The following AGMO variants were observed in gnomAD, a reference collection of about 807,000 sequenced individuals.
AGMO encodes alkylglycerol monooxygenase.
AGMO carries 75 observed loss-of-function variants against 60.2 expected under a neutral mutation model. The ratio of observed to expected loss-of-function variants is 1.25; its 90% CI spans 1.03 to 1.51. The LOEUF (loss-of-function observed/expected upper bound fraction) is 1.51, where lower values mean the gene tolerates loss of function less well. Ranked by LOEUF, AGMO falls within the 40% of genes most tolerant of loss-of-function variation. The probability of loss-of-function intolerance (pLI) is 0.00; values close to 1 mark genes in which losing one functional copy is unlikely to be tolerated. For synonymous variants in AGMO, 261 were observed against 177.1 expected (o/e 1.47, Z -3.76); for missense variants, 763 against 525.5 (o/e 1.45, Z -4.42).
At chr7:15,427,019 C>T (rs542558565) in intron 4 of AGMO, among the ~76,000 whole-genome samples, 4 of 151,808 alleles carry the variant, frequency 2.6e-5, no homozygotes, top group Non-Finnish European at 4.4e-5. Flanking sequence ...TAGCTTCATT[C>T]GAATGGTGGT....
the AGMO span, among the ~76,000 whole-genome samples, chr7:15,193,737 T>G: frequency 2.6e-5 from 4 of 152,202 alleles, no homozygotes; most frequent in African/African-American, 9.6e-5. Flanking sequence ...CAACCAAGTT[T>G]GACAGAGTCT....
intron 3 of AGMO, among the ~76,000 whole-genome samples, chr7:15,493,475 G>A (rs918222468): frequency 1.4e-5 from 2 of 140,818 alleles, no homozygotes; most frequent in South Asian, 2.4e-4. Context: ...CCGGGTTCAC[G>A]CCATTCTCCT....
the AGMO span, among the ~76,000 whole-genome samples, chr7:15,181,798 T>C: frequency 6.6e-6 from 1 of 152,130 alleles, no homozygotes; most frequent in African/African-American, 2.4e-5. Context: ...AGAAATACTT[T>C]TACTGCATTG....
At chr7:15,295,752 G>C (rs1467213946) in intron 12 of AGMO, among the ~76,000 whole-genome samples, 1 of 151,994 alleles carries the variant, frequency 6.6e-6, no homozygotes, top group African/African-American at 2.4e-5. Context: ...CTTGACTCAG[G>C]AATTCCAATT....
intron 12 of AGMO, among the ~76,000 whole-genome samples, chr7:15,207,455 C>T (rs1199789638): frequency 1.3e-5 from 2 of 152,174 alleles, no homozygotes; most frequent in Admixed American, 6.5e-5. Context: ...TGAATAACTA[C>T]TAGATTCTTG....
intron 12 of AGMO, among the ~76,000 whole-genome samples, chr7:15,236,491 T>C (rs1297769440): frequency 6.6e-6 from 1 of 152,164 alleles, no homozygotes; most frequent in Non-Finnish European, 1.5e-5. Context: ...TCTTGAATTA[T>C]CTACATCAGA....
intron 12 of AGMO, among the ~76,000 whole-genome samples, chr7:15,347,697 T>G (rs145807272): frequency 6.6e-6 from 1 of 152,094 alleles, no homozygotes; most frequent in Admixed American, 6.6e-5. Flanking sequence ...ATCTCCTGAT[T>G]AAAAAATGTT....
At chr7:15,551,152 T>C (rs539843638) in intron 2 of AGMO, among the ~76,000 whole-genome samples, 2 of 152,204 alleles carry the variant, frequency 1.3e-5, no homozygotes, top group African/African-American at 2.4e-5. Flanking sequence ...AAATTAGATA[T>C]TGATGGGACG....
chr7:15,345,955 A>C, intron 12 of AGMO, among the ~76,000 whole-genome samples: 1 of 152,154 alleles, frequency 6.6e-6, no homozygotes, highest in East Asian at 1.9e-4. Context: ...TCAATGTTTT[A>C]ATTCCAATAT....
intron 12 of AGMO, among the ~76,000 whole-genome samples, chr7:15,319,575 G>T (rs570171791): frequency 2.8e-4 from 42 of 152,158 alleles, no homozygotes; most frequent in African/African-American, 9.4e-4. Flanking sequence ...TAGAAATTTT[G>T]GCAATGGTAA....
the AGMO span, among the ~76,000 whole-genome samples, chr7:15,164,913 A>T: frequency 2.3e-4 from 35 of 152,226 alleles, no homozygotes; most frequent in East Asian, 1.5e-3. Context: ...AAAAATTGTT[A>T]TATCAAAAAG....
At chr7:15,156,259 C>T in the AGMO span, among the ~76,000 whole-genome samples, 106 of 152,256 alleles carry the variant, frequency 7.0e-4, no homozygotes, top group African/African-American at 2.2e-3. Flanking sequence ...AGTGCTTAGG[C>T]GAGATCTGCC....
At chr7:15,216,341 C>T (rs1267658337) in intron 12 of AGMO, among the ~76,000 whole-genome samples, 1 of 152,008 alleles carries the variant, frequency 6.6e-6, no homozygotes, top group Non-Finnish European at 1.5e-5. Flanking sequence ...TGTTAATGGG[C>T]GTTAGAAAAC....
intron 3 of AGMO, among the ~76,000 whole-genome samples, chr7:15,439,192 A>T (rs141713654): frequency 0.015 from 2,332 of 152,246 alleles, 24 homozygotes; most frequent in Middle Eastern, 0.037. Context: ...AAGTCAAGAG[A>T]TCAAGACCAT....
At chr7:15,412,085 T>C (rs868254971) in intron 5 of AGMO, among the ~76,000 whole-genome samples, 21 of 152,300 alleles carry the variant, frequency 1.4e-4, no homozygotes, top group African/African-American at 5.0e-4. Context: ...CTTCTCTTTA[T>C]CTGTTAGCTT....
intron 3 of AGMO, among the ~76,000 whole-genome samples, chr7:15,529,659 T>TATACAGA (rs1784241053): frequency 2.4e-5 from 2 of 84,046 alleles, no homozygotes; most frequent in African/African-American, 9.0e-5. Context: ...ATATATTCTA[T>TATACAGA]ATATATTCTA....
At chr7:15,170,334 G>A in the AGMO span, among the ~76,000 whole-genome samples, 1 of 151,618 alleles carries the variant, frequency 6.6e-6, no homozygotes, top group African/African-American at 2.4e-5. Context: ...GTTGAAATGA[G>A]ATGTATAAAA....
At chr7:15,127,877 A>C in the AGMO span, among the ~76,000 whole-genome samples, 1 of 151,840 alleles carries the variant, frequency 6.6e-6, no homozygotes, top group African/African-American at 2.4e-5. Flanking sequence ...AATCCATCTG[A>C]TTTCATGTTT....
intron 4 of AGMO, among the ~76,000 whole-genome samples, chr7:15,425,640 A>G (rs1045683834): frequency 1.3e-5 from 2 of 151,928 alleles, no homozygotes; most frequent in African/African-American, 4.8e-5. Context: ...GCATCTTGTG[A>G]TATTGCTTCG....
Sources: gnomAD v4.1 joint callset for allele counts (sites outside exome capture counted in the v4.1 genomes callset) on GRCh38, gnomAD v4.1.1 for gene constraint, MANE v1.5 for transcripts, NCBI Gene and HGNC (gene_info 2026-07-23, HGNC 2026-07-21) for gene names.